FLRT1: variants seen among roughly 807,000 people sequenced by gnomAD.
The protein encoded by FLRT1 is leucine-rich repeat transmembrane protein FLRT1.
FLRT1 carries 14 observed loss-of-function variants against 30.9 expected under a neutral mutation model. The ratio of observed to expected loss-of-function variants is 0.45; its 90% CI spans 0.30 to 0.71. The LOEUF (loss-of-function observed/expected upper bound fraction) is 0.71. Ranked by LOEUF, FLRT1 falls within the 30% of genes least tolerant of loss-of-function variation. The pLI, the probability that FLRT1 is intolerant of heterozygous loss-of-function variation, is 0.08. For missense variants in FLRT1, 737 were observed against 949.2 expected (o/e 0.78, Z 2.94); for synonymous variants, 368 against 430.4 (o/e 0.85, Z 1.80).
chr11:64,088,959 G>T (rs1382282421), intron 1 of FLRT1, among the ~76,000 whole-genome samples: 1 of 152,170 alleles, frequency 6.6e-6, no homozygotes, highest in East Asian at 1.9e-4. Context: ...CACCATGGAG[G>T]CTGGGGAGGA....
chr11:64,090,727 G>A lies in FLRT1; in HGVS notation c.-1037-12467G>A, dbSNP rs983235389. ...CTAAAATGGGGGCAGGGGTGGCAGCGTCTCTCCACCACATCCCAAGACTAA... is the reference window on the plus strand; with the variant it reads ...CTAAAATGGGGGCAGGGGTGGCAGCATCTCTCCACCACATCCCAAGACTAA... On this transcript the variant is annotated intron_variant, in intron 1 of 2. Coordinates refer to ENST00000682287, the MANE Select transcript of FLRT1 (RefSeq NM_013280.5). The surrounding 1 kb of genome is among the most constrained non-coding windows in gnomAD (Gnocchi z 4.7). Among the ~76,000 whole-genome samples the A allele has an allele frequency of 5.3e-5, 8 of 151,940 alleles. No homozygotes were observed. The highest frequency in any genetic ancestry group is 4.2e-4 in the South Asian group (2 of 4,816).
At position 64,072,486 on chromosome 11, in the gene FLRT1, A is replaced by G. The variant is rs137925835; in HGVS notation, c.-1037-30708A>G. Among the ~76,000 whole-genome samples, 32 of 152,348 alleles carry G rather than the reference A, an allele frequency of 2.1e-4. 1 individual carries two copies. The East Asian group carries it at 4.0e-3, about 19-fold the overall frequency. On this transcript the variant is annotated intron_variant, in intron 1 of 2. Transcript: ENST00000682287. The stretch of plus-strand genomic sequence containing the variant: ...ATATGAAACGTACATGTGGCATTCC[A>G]TAAGTTACGAGCATGATGATAAACC...
At chr11:64,075,285 T>A (rs1173380405) in intron 1 of FLRT1, among the ~76,000 whole-genome samples, 1 of 152,362 alleles carries the variant, frequency 6.6e-6, no homozygotes, top group South Asian at 2.1e-4. Flanking sequence ...GGCTGGCCCT[T>A]GGCCCCTCCC....
At chr11:64,102,237 C>T (rs1351815516) in intron 1 of FLRT1, among the ~76,000 whole-genome samples, 4 of 152,222 alleles carry the variant, frequency 2.6e-5, no homozygotes, top group African/African-American at 9.6e-5. Context: ...GGCGCCGCGG[C>T]CCTTCCACAT....
intron 2 of FLRT1, among the ~76,000 whole-genome samples, chr11:64,108,342 A>G (rs1944800461): frequency 6.6e-6 from 1 of 150,520 alleles, no homozygotes; most frequent in African/African-American, 2.4e-5. Context: ...CTTGAGACCC[A>G]GGGCCACCCC....
chr11:64,055,248 G>C (rs547466300), intron 1 of FLRT1, among the ~76,000 whole-genome samples: 2 of 152,356 alleles, frequency 1.3e-5, no homozygotes, highest in African/African-American at 4.8e-5. Context: ...CAGTAGCTTT[G>C]CCTCGAATTT....
chr11:64,092,899 G>T (rs762620842), intron 1 of FLRT1, among the ~76,000 whole-genome samples: 1 of 152,248 alleles, frequency 6.6e-6, no homozygotes, highest in Non-Finnish European at 1.5e-5. Flanking sequence ...ACTTCAATTG[G>T]CATCTTTGCC....
intron 2 of FLRT1, among the ~76,000 whole-genome samples, chr11:64,112,841 T>C (rs758085325): frequency 1.3e-5 from 2 of 152,168 alleles, no homozygotes; most frequent in African/African-American, 4.8e-5. Context: ...CCTTGATGAC[T>C]GTGGTGGCTG....
chr11:64,062,721 C>T (rs927906661), intron 1 of FLRT1, among the ~76,000 whole-genome samples: 7 of 152,216 alleles, frequency 4.6e-5, no homozygotes, highest in African/African-American at 1.2e-4. Flanking sequence ...TCCTGCCCCG[C>T]GCAGCCTGAC....
rs994487938 is a variant in FLRT1, at chr11:64,090,005, C to A, written c.-1037-13189C>A. On this transcript the variant is annotated intron_variant, in intron 1 of 2. Coordinates refer to ENST00000682287, the MANE Select transcript of FLRT1 (RefSeq NM_013280.5). This position sits in a 1 kb window ranked among gnomAD's most constrained non-coding sequence, Gnocchi z 4.7. Reference sequence around the variant, plus strand: ...CATTGTTTCAGCACTTATGACAAGGCCCTCCATCCAAGTAACAAACAAAAG... The same window carrying A: ...CATTGTTTCAGCACTTATGACAAGGACCTCCATCCAAGTAACAAACAAAAG... 2.0e-5 allele frequency among the ~76,000 whole-genome samples: 3 copies of A among 152,124 alleles called. No homozygotes were observed. Among genetic ancestry groups the A allele is most frequent in the Non-Finnish European group, 4.4e-5 (3 of 68,014 alleles).
At chr11:64,071,265 G>A (rs1224280953) in intron 1 of FLRT1, among the ~76,000 whole-genome samples, 1 of 152,066 alleles carries the variant, frequency 6.6e-6, no homozygotes, top group East Asian at 1.9e-4. Context: ...AACCCACAGG[G>A]TTCCCACCCA....
intron 1 of FLRT1, among the ~76,000 whole-genome samples, chr11:64,038,297 C>T (rs1451122631): frequency 1.3e-5 from 2 of 152,204 alleles, no homozygotes; most frequent in African/African-American, 4.8e-5. Flanking sequence ...CCTGCAGCCT[C>T]CCCTCTGGGA....
At chr11:64,108,428 GAGA>G (rs1182642727) in intron 2 of FLRT1, among the ~76,000 whole-genome samples, 1 of 152,172 alleles carries the variant, frequency 6.6e-6, no homozygotes, top group East Asian at 1.9e-4. Flanking sequence ...GCTTCCTGGC[GAGA>G]AGGAGGGGAG....
At chr11:64,086,564 C>A (rs555677207) in intron 1 of FLRT1, among the ~76,000 whole-genome samples, 1 of 152,234 alleles carries the variant, frequency 6.6e-6, no homozygotes, top group Admixed American at 6.5e-5. Flanking sequence ...AGCCAGCCTT[C>A]CTCCTGCCTC....
At chr11:64,081,283 A>G (rs1944298164) in intron 1 of FLRT1, among the ~76,000 whole-genome samples, 1 of 152,178 alleles carries the variant, frequency 6.6e-6, no homozygotes, top group Non-Finnish European at 1.5e-5. Context: ...CGGCCTCCCA[A>G]AGTGCTGGGA....
intron 1 of FLRT1, among the ~76,000 whole-genome samples, chr11:64,092,984 A>T (rs1174355874): frequency 6.6e-6 from 1 of 152,216 alleles, no homozygotes; most frequent in African/African-American, 2.4e-5. Flanking sequence ...TGCAGCCTCC[A>T]GCCAACCTTT....
chr11:64,058,252 C>T (rs1427695716), intron 1 of FLRT1, among the ~76,000 whole-genome samples: 2 of 152,264 alleles, frequency 1.3e-5, no homozygotes, highest in Non-Finnish European at 2.9e-5. Context: ...GCTCCTGCCC[C>T]GAGGGTGCTC....
intron 2 of FLRT1, among the ~76,000 whole-genome samples, chr11:64,113,666 C>CATGG (rs909249854): frequency 2.1e-5 from 2 of 95,240 alleles, no homozygotes; most frequent in African/African-American, 4.2e-5. Flanking sequence ...CAGGTGGATG[C>CATGG]ATGGATGGAT....
rs1169405114 is a variant in FLRT1, at chr11:64,104,190, C to T, written c.-50+9C>T. The T allele has an allele frequency of 6.6e-6, 1 of 152,370 alleles. No individual in the cohort carries two copies. Among genetic ancestry groups the T allele is most frequent in the Non-Finnish European group, 1.5e-5 (1 of 68,076 alleles). 9.4% of individuals were successfully genotyped at this position (152,370 alleles called of 1,614,324 possible). A position where few individuals can be genotyped will look rare whatever the true frequency, so the allele number is the denominator to read the frequency against. ...CGGCAGCGACGAAGGAGGTAAGGCCCAAGGACAAGGGAAGAGGGACGCGAA... is the reference window on the plus strand; with the variant it reads ...CGGCAGCGACGAAGGAGGTAAGGCCTAAGGACAAGGGAAGAGGGACGCGAA... On this transcript the variant is annotated intron_variant, in intron 2 of 2. Coordinates refer to ENST00000682287, the MANE Select transcript of FLRT1 (RefSeq NM_013280.5).
Sources: gnomAD v4.1 joint callset for allele counts (sites outside exome capture counted in the v4.1 genomes callset) on GRCh38, gnomAD v4.1.1 for gene constraint, Gnocchi (gnomAD v3.1) non-coding constraint, MANE v1.5 for transcripts, NCBI Gene and HGNC (gene_info 2026-07-23, HGNC 2026-07-21) for gene names.